NCKAP5: variants seen among roughly 807,000 people sequenced by gnomAD.
The protein encoded by NCKAP5 is NCK associated protein 5.
Under a neutral mutation model 167.0 loss-of-function variants are expected in NCKAP5, and 92 were observed. The ratio of observed to expected loss-of-function variants is 0.55; its 90% CI spans 0.47 to 0.66. NCKAP5 has a LOEUF of 0.66. NCKAP5 is among the 30% of genes least tolerant of loss of function. The probability of loss-of-function intolerance (pLI) is 0.00; values close to 1 mark genes in which losing one functional copy is unlikely to be tolerated. For synonymous variants in NCKAP5, 891 were observed against 877.4 expected (o/e 1.02, Z -0.27); for missense variants, 2,378 against 2,315.0 (o/e 1.03, Z -0.56).
intron 3 of NCKAP5, among the ~76,000 whole-genome samples, chr2:133,362,670 T>C (rs1458811841): frequency 1.3e-5 from 2 of 152,192 alleles, no homozygotes; most frequent in African/African-American, 4.8e-5. Context: ...CTCCCATTCA[T>C]ATCTTTTTGG....
At chr2:132,974,223 A>T (rs2076913152) in intron 7 of NCKAP5, among the ~76,000 whole-genome samples, 1 of 152,240 alleles carries the variant, frequency 6.6e-6, no homozygotes, top group African/African-American at 2.4e-5. Flanking sequence ...CATTTGTAGA[A>T]GTTAAAACAG....
chr2:132,792,691 G>C (rs995331606), intron 12 of NCKAP5, among the ~76,000 whole-genome samples: 1 of 152,176 alleles, frequency 6.6e-6, no homozygotes, highest in African/African-American at 2.4e-5. Context: ...TGACCTTTCT[G>C]CACTCTGCCT....
At chr2:133,668,937 T>C in the NCKAP5 span, among the ~76,000 whole-genome samples, 1 of 152,094 alleles carries the variant, frequency 6.6e-6, no homozygotes, top group Non-Finnish European at 1.5e-5. Context: ...AAATTCTGAG[T>C]CAGATAAAAT....
At chr2:132,869,191 T>C (rs974625677) in intron 9 of NCKAP5, among the ~76,000 whole-genome samples, 1 of 152,190 alleles carries the variant, frequency 6.6e-6, no homozygotes, top group African/African-American at 2.4e-5. Context: ...CTAATTAAGA[T>C]GGTTACACTT....
At chr2:132,761,340 T>C (rs960024586) in intron 16 of NCKAP5, among the ~76,000 whole-genome samples, 6 of 152,182 alleles carry the variant, frequency 3.9e-5, no homozygotes, top group African/African-American at 1.4e-4. Flanking sequence ...TTTCCCAGGA[T>C]ATGAGACTTC....
intron 4 of NCKAP5, among the ~76,000 whole-genome samples, chr2:133,264,071 C>G (rs1438086374): frequency 1.3e-5 from 2 of 152,220 alleles, no homozygotes; most frequent in African/African-American, 4.8e-5. Context: ...AGCAGTTCAC[C>G]AGGCCACTGA....
chr2:132,899,300 G>T (rs1265262162), intron 8 of NCKAP5, among the ~76,000 whole-genome samples: 1 of 152,262 alleles, frequency 6.6e-6, no homozygotes, highest in Non-Finnish European at 1.5e-5. Context: ...GAATTGAAGA[G>T]TTAGTACCTT....
At chr2:133,390,873 C>T (rs1032642224) in intron 3 of NCKAP5, among the ~76,000 whole-genome samples, 2 of 152,136 alleles carry the variant, frequency 1.3e-5, no homozygotes, top group African/African-American at 2.4e-5. Context: ...AGAACCACTG[C>T]CTTAGAACTT....
At chr2:133,052,008 A>G (rs2079621882) in intron 6 of NCKAP5, among the ~76,000 whole-genome samples, 1 of 152,180 alleles carries the variant, frequency 6.6e-6, no homozygotes, top group Admixed American at 6.5e-5. Context: ...TCATACTAAA[A>G]CTGGGACTAC....
chr2:132,888,465 TG>T (rs1692427426), intron 8 of NCKAP5, among the ~76,000 whole-genome samples: 1 of 152,162 alleles, frequency 6.6e-6, no homozygotes, highest in South Asian at 2.1e-4. Flanking sequence ...CTCAGCTCCC[TG>T]CAACCTCCAC....
At chr2:133,107,001 T>A (rs553514910) in intron 6 of NCKAP5, among the ~76,000 whole-genome samples, 1 of 152,300 alleles carries the variant, frequency 6.6e-6, no homozygotes, top group South Asian at 2.1e-4. Flanking sequence ...TATCCTTACA[T>A]GGGAGCAATT....
intron 3 of NCKAP5, among the ~76,000 whole-genome samples, chr2:133,389,594 C>A (rs1687252422): frequency 6.6e-6 from 1 of 152,218 alleles, no homozygotes; most frequent in Admixed American, 6.5e-5. Flanking sequence ...GAAGCAATTT[C>A]TGACATCCAA....
chr2:133,580,945 C>T, the NCKAP5 span, among the ~76,000 whole-genome samples: 1 of 152,106 alleles, frequency 6.6e-6, no homozygotes, highest in African/African-American at 2.4e-5. Flanking sequence ...TCTGGAAACC[C>T]TAAGTGACAG....
chr2:132,729,115 A>G (rs1238660690), intron 17 of NCKAP5, among the ~76,000 whole-genome samples, 163 bp from the exon 18 acceptor site: 2 of 152,198 alleles, frequency 1.3e-5, no homozygotes, highest in African/African-American at 4.8e-5. Flanking sequence ...GTGCTGCCCA[A>G]AACATCTGCT....
chr2:133,597,485 A>G, the NCKAP5 span, among the ~76,000 whole-genome samples: 1 of 151,916 alleles, frequency 6.6e-6, no homozygotes, highest in African/African-American at 2.4e-5. Context: ...CTGGCTAACA[A>G]GGTGAAACCC....
intron 4 of NCKAP5, among the ~76,000 whole-genome samples, chr2:133,283,722 T>C (rs1362325305): frequency 6.6e-6 from 1 of 151,940 alleles, no homozygotes; most frequent in Non-Finnish European, 1.5e-5. Flanking sequence ...GCGATTCTCC[T>C]GCCTCAGCCT....
chr2:133,387,633 A>C (rs1271388499), intron 3 of NCKAP5, among the ~76,000 whole-genome samples: 1 of 152,160 alleles, frequency 6.6e-6, no homozygotes, highest in Non-Finnish European at 1.5e-5. Context: ...TATCCTGAAG[A>C]GTGTTTTCCA....
intron 6 of NCKAP5, among the ~76,000 whole-genome samples, chr2:133,021,107 G>C (rs1573766569): frequency 6.6e-6 from 1 of 152,130 alleles, no homozygotes; most frequent in Non-Finnish European, 1.5e-5. Flanking sequence ...ATTTATGTTA[G>C]GGGAAACAGA....
intron 8 of NCKAP5, among the ~76,000 whole-genome samples, chr2:132,931,900 T>C (rs1334795590): frequency 6.6e-6 from 1 of 152,156 alleles, no homozygotes; most frequent in Non-Finnish European, 1.5e-5. Context: ...TAGAAAGACA[T>C]GTTACACTTG....
Sources: allele counts gnomAD v4.1 joint callset (sites outside exome capture counted in the v4.1 genomes callset), GRCh38; gene constraint gnomAD v4.1.1; transcripts MANE v1.5; gene names NCBI Gene and HGNC (gene_info 2026-07-23, HGNC 2026-07-21).